The following ATRNL1 variants were observed in gnomAD, a reference collection of about 807,000 sequenced individuals.
The protein encoded by ATRNL1 is attractin-like protein 1.
In ATRNL1, 95 loss-of-function variants were observed where a neutral mutation model predicts 182.7. The ratio of observed to expected loss-of-function variants is 0.52; its 90% CI spans 0.44 to 0.62. ATRNL1 has a LOEUF of 0.62. Among genes scored for constraint, ATRNL1 ranks in the 20% least tolerant of loss-of-function variants. The pLI, the probability that ATRNL1 is intolerant of heterozygous loss-of-function variation, is 0.00. For synonymous variants in ATRNL1, 576 were observed against 568.3 expected, an observed-to-expected ratio of 1.01 and a Z score of -0.19; for missense variants, 1,471 against 1,679.5, an observed-to-expected ratio of 0.88 and a Z score of 2.17.
At chr10:115,646,695 G>A (rs1486066718) in intron 26 of ATRNL1, among the ~76,000 whole-genome samples, 1 of 149,686 alleles carries the variant, frequency 6.7e-6, no homozygotes, top group African/African-American at 2.5e-5. Flanking sequence ...TTTTCCCTAT[G>A]GACTAATACA....
intron 27 of ATRNL1, among the ~76,000 whole-genome samples, chr10:115,764,995 C>T (rs3110772): frequency 0.95 from 144,625 of 152,194 alleles, 69,127 homozygotes; most frequent in East Asian, 1. Context: ...TTTTTATGTC[C>T]TGATAGCTAA....
At chr10:115,389,560 A>ATG (rs1843890616) in intron 19 of ATRNL1, among the ~76,000 whole-genome samples, 3 of 101,274 alleles carry the variant, frequency 3.0e-5, no homozygotes, top group South Asian at 7.2e-4. Flanking sequence ...ATATATATAT[A>ATG]TATATATATA....
intron 25 of ATRNL1, among the ~76,000 whole-genome samples, chr10:115,542,869 T>G (rs1244941617): frequency 6.6e-6 from 1 of 152,206 alleles, no homozygotes; most frequent in Non-Finnish European, 1.5e-5. Flanking sequence ...CACATGGCCT[T>G]TCCTCCATGC....
chr10:115,664,683 A>T (rs1296462948), intron 26 of ATRNL1, among the ~76,000 whole-genome samples: 2 of 152,180 alleles, frequency 1.3e-5, no homozygotes, highest in Non-Finnish European at 2.9e-5. Flanking sequence ...AAATAATTTA[A>T]TAGAAGACTC....
chr10:115,619,625 T>C (rs1265590005), intron 26 of ATRNL1, among the ~76,000 whole-genome samples: 2 of 152,256 alleles, frequency 1.3e-5, no homozygotes, highest in African/African-American at 4.8e-5. Flanking sequence ...TTTAAAAGTA[T>C]AGAATTTTAA....
At chr10:115,403,455 C>CT (rs1168633951) in intron 20 of ATRNL1, among the ~76,000 whole-genome samples, 4 of 150,986 alleles carry the variant, frequency 2.6e-5, no homozygotes, top group Admixed American at 6.6e-5. Flanking sequence ...CTGACACTAA[C>CT]TTTTTTTTTG....
intron 25 of ATRNL1, among the ~76,000 whole-genome samples, chr10:115,536,800 T>C (rs537488553): frequency 9.2e-5 from 14 of 152,190 alleles, no homozygotes; most frequent in Non-Finnish European, 1.3e-4. Context: ...CATAAACATA[T>C]TTTGAAAGAG....
intron 26 of ATRNL1, among the ~76,000 whole-genome samples, chr10:115,723,651 T>G (rs1309303048): frequency 6.6e-6 from 1 of 151,796 alleles, no homozygotes; most frequent in Non-Finnish European, 1.5e-5. Context: ...CGGGTTCAAG[T>G]GATTCTCGTG....
At chr10:115,857,486 G>A (rs1243709870) in intron 28 of ATRNL1, among the ~76,000 whole-genome samples, 1 of 152,266 alleles carries the variant, frequency 6.6e-6, no homozygotes, top group Admixed American at 6.5e-5. Flanking sequence ...CTTTATAAAT[G>A]TTTTTGTTTT....
chr10:115,848,396 T>A (rs1324253700), intron 28 of ATRNL1, among the ~76,000 whole-genome samples: 1 of 152,146 alleles, frequency 6.6e-6, no homozygotes, highest in Non-Finnish European at 1.5e-5. Context: ...GCTTTGTGAA[T>A]GTGGAACCAA....
intron 27 of ATRNL1, among the ~76,000 whole-genome samples, chr10:115,736,339 A>G (rs1947949996): frequency 6.6e-6 from 1 of 152,020 alleles, no homozygotes; most frequent in Admixed American, 6.6e-5. Context: ...CTATCAACAC[A>G]TATTTTTATT....
intron 20 of ATRNL1, among the ~76,000 whole-genome samples, chr10:115,414,863 A>G (rs1052516047): frequency 6.6e-6 from 1 of 151,932 alleles, no homozygotes; most frequent in Non-Finnish European, 1.5e-5. Context: ...GCTCATAAAA[A>G]TGTTCATTTT....
At chr10:115,492,582 TA>T (rs1849352110) in intron 24 of ATRNL1, among the ~76,000 whole-genome samples, 1 of 148,098 alleles carries the variant, frequency 6.8e-6, no homozygotes, top group African/African-American at 2.4e-5. Context: ...ATATTTCATT[TA>T]CTTTATATAT....
At chr10:115,822,347 C>G (rs778494840) in intron 27 of ATRNL1, among the ~76,000 whole-genome samples, 15 of 152,072 alleles carry the variant, frequency 9.9e-5, no homozygotes, top group Non-Finnish European at 1.6e-4. Context: ...AAAATCAACA[C>G]CCTAACATCA....
Position 115,400,559 on chromosome 10 carries a change from A to G in ATRNL1, c.3269+5807A>G, listed in dbSNP as rs181947126. Among the ~76,000 whole-genome samples the G allele has an allele frequency of 1.5e-3, 235 of 152,216 alleles. 1 individual carries two copies. The highest frequency in any genetic ancestry group is 5.2e-3 in the African/African-American group (217 of 41,554). On this transcript the variant is annotated intron_variant, in intron 20 of 28. Coordinates refer to ENST00000355044, the MANE Select transcript of ATRNL1 (RefSeq NM_207303.4). ...CAGTGGTGTGTTAATGTCTCCCACT[A>G]TGATTGTATAGGAGCTTAAGTCTCT...
intron 4 of ATRNL1, among the ~76,000 whole-genome samples, chr10:115,128,877 TTTC>T (rs1845096082): frequency 6.6e-6 from 1 of 152,102 alleles, no homozygotes; most frequent in Non-Finnish European, 1.5e-5. Context: ...AAACATACCT[TTTC>T]TTCAATAACA....
intron 26 of ATRNL1, among the ~76,000 whole-genome samples, chr10:115,596,062 A>G (rs1204351385): frequency 6.6e-6 from 1 of 152,146 alleles, no homozygotes; most frequent in Non-Finnish European, 1.5e-5. Context: ...AATGGTTTGT[A>G]TGTATATTGT....
intron 26 of ATRNL1, among the ~76,000 whole-genome samples, chr10:115,561,708 T>G (rs1179443850): frequency 4.7e-5 from 7 of 150,442 alleles, no homozygotes; most frequent in Non-Finnish European, 7.4e-5. Context: ...TGTGTGGGTG[T>G]GTGTGTGTGT....
chr10:115,618,040 T>C (rs192715541), intron 26 of ATRNL1, among the ~76,000 whole-genome samples: 1 of 152,304 alleles, frequency 6.6e-6, no homozygotes, highest in African/African-American at 2.4e-5. Flanking sequence ...CTCTTTCTCC[T>C]GTTTTGGCTT....
Sources: gnomAD v4.1 joint callset for allele counts (sites outside exome capture counted in the v4.1 genomes callset) on GRCh38, gnomAD v4.1.1 for gene constraint, MANE v1.5 for transcripts, NCBI Gene and HGNC (gene_info 2026-07-23, HGNC 2026-07-21) for gene names.